Variants in GLIS1 observed in about 807,000 individuals in gnomAD.
GLIS1 encodes zinc finger protein GLIS1.
A neutral mutation model predicts 63.8 loss-of-function variants in GLIS1; 24 were observed. That is an observed-to-expected ratio of 0.38 (90% confidence interval 0.27 to 0.53). The LOEUF is 0.53. Ranked by LOEUF, GLIS1 falls within the 20% of genes least tolerant of loss-of-function variation. GLIS1 has a pLI of 0.85. For missense variants in GLIS1, 1,036 were observed against 1,074.1 expected (o/e 0.96, Z 0.50); for synonymous variants, 450 against 482.5 (o/e 0.93, Z 0.88).
chr1:53,695,479 GC>G, intron 2 of GLIS1, among the ~76,000 whole-genome samples: 1 of 152,236 alleles, frequency 6.6e-6, no homozygotes, highest in African/African-American at 2.4e-5. Flanking sequence ...TCCTCAGCCA[GC>G]CAGCTGGGAG....
intron 5 of GLIS1, among the ~76,000 whole-genome samples, chr1:53,527,611 C>A (rs1461047780): frequency 6.6e-6 from 1 of 152,220 alleles, no homozygotes; most frequent in African/African-American, 2.4e-5. Context: ...TGGAGAGAAT[C>A]CCACATTCTC....
In GLIS1 at chr1:53,588,396, C is replaced by G. The variant is rs1012138377; in HGVS notation, c.1320+5712G>C. On this transcript the variant is annotated intron_variant, in intron 4 of 10. Transcript: ENST00000628545. ...TAATTGGAGGGTCACTTTCCCACAG[C>G]CTAAACCTTCCCCAACTTTCGATTA... Among the ~76,000 whole-genome samples, 8 of 152,310 alleles carry G rather than the reference C, an allele frequency of 5.3e-5. No homozygotes were observed. In the South Asian group the frequency reaches 1.7e-3, roughly 32 times the overall value.
chr1:53,731,701 TG>T (rs1646863010), intron 2 of GLIS1, among the ~76,000 whole-genome samples: 1 of 152,220 alleles, frequency 6.6e-6, no homozygotes, highest in African/African-American at 2.4e-5. Context: ...CATAATTAAA[TG>T]TGATCACGTC....
intron 2 of GLIS1, among the ~76,000 whole-genome samples, chr1:53,658,367 A>G (rs1557506729): frequency 6.6e-6 from 1 of 152,210 alleles, no homozygotes; most frequent in Non-Finnish European, 1.5e-5. Flanking sequence ...CTAACACAGT[A>G]CCTGGCACAA....
chr1:53,605,647 C>G (rs116123032), intron 2 of GLIS1, among the ~76,000 whole-genome samples: 2,053 of 152,306 alleles, frequency 0.013, 54 homozygotes, highest in African/African-American at 0.047. Flanking sequence ...TCCTTCAGGA[C>G]AAGGATCTTG....
intron 2 of GLIS1, among the ~76,000 whole-genome samples, chr1:53,710,841 A>G (rs1269501665): frequency 1.3e-5 from 2 of 152,138 alleles, no homozygotes; most frequent in Non-Finnish European, 2.9e-5. Context: ...ATGTTCCTAA[A>G]CAGAGTAATT....
chr1:53,736,873 C>T (rs987574850), intron 2 of GLIS1, among the ~76,000 whole-genome samples: 12 of 152,068 alleles, frequency 7.9e-5, no homozygotes, highest in African/African-American at 2.2e-4. Context: ...TGCCTATAAC[C>T]GTAAAACCCA....
At chr1:53,658,070 AC>A (rs1239533075) in intron 2 of GLIS1, among the ~76,000 whole-genome samples, 1 of 150,868 alleles carries the variant, frequency 6.6e-6, no homozygotes, top group East Asian at 2.0e-4. Context: ...TCCCCTATCC[AC>A]CCCTATGCTC....
chr1:53,657,433 G>A (rs1187331964), intron 2 of GLIS1, among the ~76,000 whole-genome samples: 5 of 152,302 alleles, frequency 3.3e-5, no homozygotes, highest in East Asian at 1.9e-4. Context: ...CTGTTCCCCC[G>A]CCCCTTGGGT....
chr1:53,556,988 G>A (rs528329470), intron 4 of GLIS1, among the ~76,000 whole-genome samples: 1 of 151,428 alleles, frequency 6.6e-6, no homozygotes, highest in African/African-American at 2.4e-5. Context: ...GCAGATGTGT[G>A]TGTTCGTGTG....
intron 4 of GLIS1, among the ~76,000 whole-genome samples, chr1:53,544,883 C>T (rs1291464508): frequency 6.6e-6 from 1 of 152,140 alleles, no homozygotes. Flanking sequence ...GGCTGGGCTG[C>T]GTGGGAACCC....
intron 2 of GLIS1, among the ~76,000 whole-genome samples, chr1:53,734,937 A>G (rs1646899141): frequency 6.6e-6 from 1 of 152,234 alleles, no homozygotes; most frequent in Non-Finnish European, 1.5e-5. Flanking sequence ...TAAACAGATC[A>G]TGATTCTTAT....
intron 4 of GLIS1, among the ~76,000 whole-genome samples, chr1:53,564,895 A>C (rs1644924153): frequency 6.6e-6 from 1 of 152,044 alleles, no homozygotes; most frequent in African/African-American, 2.4e-5. Flanking sequence ...TAACACATTA[A>C]ACAAAGAAAA....
chr1:53,590,205 TATTATTACTCC>T lies in GLIS1; in HGVS notation c.1320+3892_1320+3902del, dbSNP rs1198236325. On this transcript the variant is annotated intron_variant, in intron 4 of 10. Coordinates refer to ENST00000628545, the MANE Select transcript of GLIS1 (RefSeq NM_001367484.1). ...CACAACAACCCTAAAAGGCAAGTAC[TATTATTACTCC>T]ATTTTACAATCGAGTATGCTGTAGT... Among the ~76,000 whole-genome samples, 3 of 152,162 alleles carry T rather than the reference TATTATTACTCC, an allele frequency of 2.0e-5. No homozygotes were observed. In the East Asian group the frequency reaches 5.8e-4, roughly 29 times the overall value.
chr1:53,641,574 A>AT (rs1326807695), intron 2 of GLIS1, among the ~76,000 whole-genome samples: 1 of 152,168 alleles, frequency 6.6e-6, no homozygotes, highest in Non-Finnish European at 1.5e-5. Context: ...CACCTGAAAA[A>AT]TGTGGGTGAA....
intron 4 of GLIS1, among the ~76,000 whole-genome samples, chr1:53,551,019 A>T (rs511202): frequency 0.92 from 140,290 of 152,034 alleles, 64,781 homozygotes; most frequent in East Asian, 1. Flanking sequence ...CCTGGCTAAT[A>T]TTTATATTTT....
At position 53,605,258 on chromosome 1, in the gene GLIS1, T is replaced by G. The variant is rs1465203078; in HGVS notation, c.260-4980A>C. ...GCTCTGGGGCCACTACAACCTAGAC[T>G]CCCCTGTCCACCTGGTGTGACCTCA... On this transcript the variant is annotated intron_variant, in intron 2 of 10. Transcript: ENST00000628545. 2.0e-5 allele frequency among the ~76,000 whole-genome samples: 3 copies of G among 151,996 alleles called. No homozygotes were observed. The East Asian group carries it at 5.8e-4, about 29-fold the overall frequency.
In GLIS1 at chr1:53,594,587, T is replaced by C. The variant is rs2100532568; in HGVS notation, c.841A>G (p.Ser281Gly). 2 of 1,591,562 alleles carry C rather than the reference T, an allele frequency of 1.3e-6. No individual in the cohort carries two copies. The highest frequency in any genetic ancestry group is 1.7e-6 in the Non-Finnish European group (2 of 1,165,530). The change falls in exon 4 of 11, where the codon AGC (serine) becomes GGC (glycine). Residue 281 changes from serine to glycine, a missense_variant. Ser to Gly is a moderately conservative substitution (Grantham distance 56). Around this residue, in one of 3 missense-constraint regions of GLIS1, gnomAD observed 592 missense variants for 593.9 expected, o/e 1.00. Coordinates refer to ENST00000628545, the MANE Select transcript of GLIS1 (RefSeq NM_001367484.1). ...CCCAGATCTCCCGTCAGAGGGGGGC[T>C]CCGGAGTCCATTTACACAGGTGACC... Reference protein sequence around the residue: ...SLVTCVNGLRSPPLTGDLGGP... With the variant: ...SLVTCVNGLRGPPLTGDLGGP...
intron 2 of GLIS1, among the ~76,000 whole-genome samples, chr1:53,666,856 T>A (rs939865093): frequency 6.6e-5 from 10 of 152,132 alleles, no homozygotes; most frequent in African/African-American, 2.4e-4. Context: ...CTTAGTGATC[T>A]CACCCCTCCC....
Sources: allele counts gnomAD v4.1 joint callset (sites outside exome capture counted in the v4.1 genomes callset), GRCh38; gene constraint gnomAD v4.1.1; regional missense constraint gnomAD v4.1.1; transcripts MANE v1.5; gene names NCBI Gene and HGNC (gene_info 2026-07-23, HGNC 2026-07-21).